TNNI3K: variants seen among roughly 807,000 people sequenced by gnomAD.
The protein encoded by TNNI3K is serine/threonine-protein kinase TNNI3K.
In TNNI3K, 140 loss-of-function variants were observed where a neutral mutation model predicts 114.5. The observed-to-expected ratio is 1.22, with a 90% CI of 1.07 to 1.41. TNNI3K has a LOEUF of 1.41. Ranked by LOEUF, TNNI3K falls within the 40% of genes most tolerant of loss-of-function variation. The probability of loss-of-function intolerance (pLI) is 0.00; values close to 1 mark genes in which losing one functional copy is unlikely to be tolerated. For missense variants in TNNI3K, 1,125 were observed against 1,007.6 expected, an observed-to-expected ratio of 1.12 and a Z score of -1.58; for synonymous variants, 347 against 347.5, an observed-to-expected ratio of 1.00 and a Z score of 0.02.
chr1:74,543,833 A>G, intron 24 of TNNI3K, 73 bp from the exon 25 acceptor site: 1 of 1,578,066 alleles, frequency 6.3e-7, no homozygotes, highest in East Asian at 2.3e-5. Context: ...TGCCTGGTTC[A>G]GGCTGGTTAT....
intron 17 of TNNI3K, among the ~76,000 whole-genome samples, chr1:74,435,230 C>A (rs761715284): frequency 1.3e-4 from 19 of 151,974 alleles, no homozygotes; most frequent in Non-Finnish European, 1.9e-4. Context: ...AGAGTAAGCT[C>A]TCTTTGGACT....
intron 17 of TNNI3K, among the ~76,000 whole-genome samples, chr1:74,394,368 G>C (rs545889822): frequency 6.6e-6 from 1 of 152,134 alleles, no homozygotes; most frequent in Non-Finnish European, 1.5e-5. Context: ...CTTCCCTAAA[G>C]TGAATAACTC....
At chr1:74,469,682 G>C in intron 21 of TNNI3K, 1 of 377,178 alleles carries the variant, frequency 2.7e-6, no homozygotes, top group East Asian at 3.8e-5. Context: ...TGTGTCAGAC[G>C]TATCCTATGA....
At chr1:74,294,012 A>T (rs963364420) in intron 5 of TNNI3K, among the ~76,000 whole-genome samples, 2 of 151,756 alleles carry the variant, frequency 1.3e-5, no homozygotes, top group Non-Finnish European at 3.0e-5. Context: ...ATGCCAAATT[A>T]ATTTTGGATT....
intron 17 of TNNI3K, among the ~76,000 whole-genome samples, chr1:74,391,170 G>A (rs1026679928): frequency 4.6e-5 from 7 of 151,992 alleles, no homozygotes; most frequent in African/African-American, 1.5e-4. Context: ...TTGTTCATTC[G>A]ACAAATATTT....
chr1:74,540,969 C>T (rs926643730), intron 24 of TNNI3K, among the ~76,000 whole-genome samples: 2 of 152,130 alleles, frequency 1.3e-5, no homozygotes, highest in African/African-American at 4.8e-5. Flanking sequence ...CCTTTATCAT[C>T]AGCTGCGATA....
intron 17 of TNNI3K, among the ~76,000 whole-genome samples, chr1:74,408,000 G>A (rs1227241700): frequency 6.6e-6 from 1 of 151,946 alleles, no homozygotes; most frequent in African/African-American, 2.4e-5. Flanking sequence ...CTACTATTGT[G>A]GTCACTGCTT....
At chr1:74,375,277 A>G (rs565175961) in intron 17 of TNNI3K, 1 of 159,634 alleles carries the variant, frequency 6.3e-6, no homozygotes, top group East Asian at 1.7e-4. Context: ...ACTTGACTCC[A>G]CTTTGCTTCT....
At chr1:74,308,123 C>T (rs1658764663) in intron 5 of TNNI3K, among the ~76,000 whole-genome samples, 1 of 151,918 alleles carries the variant, frequency 6.6e-6, no homozygotes, top group South Asian at 2.1e-4. Flanking sequence ...AGAAAACCAA[C>T]AAAGAAATTC....
intron 23 of TNNI3K, among the ~76,000 whole-genome samples, chr1:74,532,918 G>A (rs912995053): frequency 1.3e-5 from 2 of 152,254 alleles, no homozygotes; most frequent in East Asian, 3.9e-4. Context: ...ATTAATTCAA[G>A]ATGGATTAAA....
rs57824876 is a variant in TNNI3K, at chr1:74,498,940, G to A, written c.2351+6674G>A. Among the ~76,000 whole-genome samples the A allele has an allele frequency of 1.4e-3, 213 of 152,106 alleles. 2 individuals carry two copies. The highest frequency in any genetic ancestry group is 4.8e-3 in the African/African-American group (198 of 41,492). ...TTCATGTGCAGAGCATTAATATGACGCTTATTTTAGCATGAAATAAAAGCA... is the reference window on the plus strand; with the variant it reads ...TTCATGTGCAGAGCATTAATATGACACTTATTTTAGCATGAAATAAAAGCA... On this transcript the variant is annotated intron_variant, in intron 23 of 24. Transcript: ENST00000326637.
At chr1:74,291,240 C>A (rs1657658521) in intron 5 of TNNI3K, among the ~76,000 whole-genome samples, 1 of 151,524 alleles carries the variant, frequency 6.6e-6, no homozygotes, top group Non-Finnish European at 1.5e-5. Context: ...ATATGTATCT[C>A]TGTATAAAAT....
chr1:74,416,530 C>T, intron 17 of TNNI3K: 1 of 985,272 alleles, frequency 1.0e-6, no homozygotes, highest in Non-Finnish European at 1.2e-6. Flanking sequence ...CTTACATAGT[C>T]AAATCCAAGA....
At chr1:74,511,681 G>T (rs1195877861) in intron 23 of TNNI3K, among the ~76,000 whole-genome samples, 1 of 152,044 alleles carries the variant, frequency 6.6e-6, no homozygotes, top group Non-Finnish European at 1.5e-5. Flanking sequence ...AAGGGAGGAG[G>T]TCAGAGAAAC....
chr1:74,291,306 A>G (rs1249693237), intron 5 of TNNI3K, among the ~76,000 whole-genome samples: 4 of 151,658 alleles, frequency 2.6e-5, no homozygotes, highest in Admixed American at 2.0e-4. Context: ...AAATGAAATC[A>G]AAGGCATATT....
chr1:74,307,524 G>T (rs1331160635), intron 5 of TNNI3K, among the ~76,000 whole-genome samples: 2 of 152,064 alleles, frequency 1.3e-5, no homozygotes, highest in Non-Finnish European at 2.9e-5. Flanking sequence ...ACCAACAACA[G>T]TAATAAGGGA....
chr1:74,335,777 C>G (rs1404750903), intron 6 of TNNI3K, among the ~76,000 whole-genome samples: 1 of 152,142 alleles, frequency 6.6e-6, no homozygotes, highest in Admixed American at 6.6e-5. Context: ...CTCTTACTAC[C>G]ATGAGTTGAT....
intron 5 of TNNI3K, among the ~76,000 whole-genome samples, chr1:74,302,644 CACA>C (rs1343512916): frequency 2.0e-5 from 3 of 152,184 alleles, no homozygotes; most frequent in East Asian, 1.9e-4. Context: ...TCGAACTAGT[CACA>C]ACATTACTTT....
At chr1:74,319,541 C>A (rs1032364331) in intron 5 of TNNI3K, among the ~76,000 whole-genome samples, 3 of 152,026 alleles carry the variant, frequency 2.0e-5, no homozygotes, top group Non-Finnish European at 2.9e-5. Context: ...TGTTATGTCT[C>A]GAAGATATGG....
Sources: allele counts gnomAD v4.1 joint callset (sites outside exome capture counted in the v4.1 genomes callset), GRCh38; gene constraint gnomAD v4.1.1; transcripts MANE v1.5; gene names NCBI Gene and HGNC (gene_info 2026-07-23, HGNC 2026-07-21).